DENND1A: variants seen among roughly 807,000 people sequenced by gnomAD.
The protein encoded by DENND1A is DENN domain containing 1A, also known as DENN domain-containing protein 1A.
Under a neutral mutation model 113.7 loss-of-function variants are expected in DENND1A, and 51 were observed. The ratio of observed to expected loss-of-function variants is 0.45; its 90% CI spans 0.36 to 0.57. DENND1A has a LOEUF of 0.57. Ranked by LOEUF, DENND1A falls within the 20% of genes least tolerant of loss-of-function variation. The pLI is 0.00. For synonymous variants in DENND1A, 565 were observed against 570.8 expected (o/e 0.99, Z 0.14); for missense variants, 1,258 against 1,395.9 (o/e 0.90, Z 1.57).
intron 13 of DENND1A, among the ~76,000 whole-genome samples, chr9:123,467,317 C>T (rs894944560): frequency 7.9e-5 from 12 of 152,126 alleles, no homozygotes; most frequent in South Asian, 2.1e-4. Context: ...ATGTTCTGTG[C>T]GTGTCTCCTT....
intron 1 of DENND1A, among the ~76,000 whole-genome samples, chr9:123,915,545 A>G (rs1465361072): frequency 6.6e-6 from 1 of 152,166 alleles, no homozygotes; most frequent in Non-Finnish European, 1.5e-5. Context: ...GTTTAAGTTA[A>G]TAACCATTAT....
intron 13 of DENND1A, among the ~76,000 whole-genome samples, chr9:123,543,152 G>A (rs550748257): frequency 7.2e-5 from 11 of 152,286 alleles, no homozygotes; most frequent in South Asian, 2.1e-4. Context: ...GTCATGGAAC[G>A]GGTAAAAATG....
chr9:123,763,077 ATT>A (rs34020642), intron 4 of DENND1A, among the ~76,000 whole-genome samples: 48 of 144,258 alleles, frequency 3.3e-4, no homozygotes, highest in Admixed American at 3.5e-4. Flanking sequence ...AAGAATTCAG[ATT>A]TTTTTTTTTT....
rs2045418514 is a variant in DENND1A, at chr9:123,422,904, G to A, written c.1489-11075C>T. Among the ~76,000 whole-genome samples the A allele has an allele frequency of 6.6e-6, 1 of 152,208 alleles. No homozygotes were observed. The highest frequency in any genetic ancestry group is 2.4e-5 in the African/African-American group (1 of 41,454). On this transcript the variant is annotated intron_variant, in intron 19 of 23. Transcript: ENST00000394215. The surrounding 1 kb of genome is among the most constrained non-coding windows in gnomAD (Gnocchi z 4.8). ...CCTCGGAGAACAAACAGGAACCCAA[G>A]GTGCCAGCAGTTCGACTGCCTTATT...
In DENND1A at chr9:123,436,514, G is replaced by T. The variant is rs1208251250; in HGVS notation, c.1488+3846C>A. Among the ~76,000 whole-genome samples the T allele has an allele frequency of 2.0e-5, 3 of 152,192 alleles. No homozygotes were observed. In the East Asian group the frequency reaches 5.8e-4, roughly 29 times the overall value. On this transcript the variant is annotated intron_variant, in intron 19 of 23. Transcript: ENST00000394215. ...GTCCCCTGGGCTTTGTTTCCCAAAT[G>T]ATACTAAACTTGAGAAGGGGAAAAC...
intron 10 of DENND1A, among the ~76,000 whole-genome samples, chr9:123,612,085 C>T (rs910156042): frequency 6.6e-6 from 1 of 152,200 alleles, no homozygotes; most frequent in Non-Finnish European, 1.5e-5. Context: ...ATCATAGCAG[C>T]TCCATGTTTT....
intron 5 of DENND1A, among the ~76,000 whole-genome samples, chr9:123,702,154 T>A (rs2065919354): frequency 6.6e-6 from 1 of 151,042 alleles, no homozygotes; most frequent in Non-Finnish European, 1.5e-5. Context: ...CAAAAATAAA[T>A]AAATAAATAA....
At chr9:123,485,466 CTAA>C (rs2050719004) in intron 13 of DENND1A, 1 of 152,180 alleles carries the variant, frequency 6.6e-6, no homozygotes, top group Admixed American at 6.5e-5. Flanking sequence ...CTTGGAGGAG[CTAA>C]TCATTAAGCT....
intron 19 of DENND1A, among the ~76,000 whole-genome samples, chr9:123,438,216 A>G (rs1194026284): frequency 1.3e-5 from 2 of 152,194 alleles, no homozygotes; most frequent in African/African-American, 2.4e-5. Flanking sequence ...GGACCCGGGA[A>G]AAGACTCAAG....
chr9:123,683,832 C>T (rs1033811004), intron 5 of DENND1A, among the ~76,000 whole-genome samples: 2 of 152,148 alleles, frequency 1.3e-5, no homozygotes, highest in Non-Finnish European at 2.9e-5. Flanking sequence ...CCTTGACAGA[C>T]GTAACTCATC....
intron 3 of DENND1A, among the ~76,000 whole-genome samples, chr9:123,781,149 C>G (rs942341745): frequency 2.6e-5 from 4 of 152,180 alleles, no homozygotes; most frequent in African/African-American, 9.7e-5. Flanking sequence ...TCACTTCCAA[C>G]TTGCAGGAAT....
chr9:123,430,080 T>C (rs201907850), intron 19 of DENND1A, among the ~76,000 whole-genome samples: 27 of 151,998 alleles, frequency 1.8e-4, no homozygotes, highest in East Asian at 9.6e-4. Context: ...AATGAACATA[T>C]GAAAAAAAGC....
At chr9:123,806,620 C>A (rs1349689487) in intron 2 of DENND1A, among the ~76,000 whole-genome samples, 1 of 152,190 alleles carries the variant, frequency 6.6e-6, no homozygotes, top group Non-Finnish European at 1.5e-5. Context: ...ATCACATCAG[C>A]ACTCAGGAAG....
intron 1 of DENND1A, among the ~76,000 whole-genome samples, chr9:123,898,563 T>G (rs528308499): frequency 6.6e-6 from 1 of 152,236 alleles, no homozygotes; most frequent in Admixed American, 6.5e-5. Context: ...CCTAGGCTCA[T>G]GCAATCTTCC....
chr9:123,398,406 A>G (rs1588322267), intron 21 of DENND1A, among the ~76,000 whole-genome samples: 1 of 150,666 alleles, frequency 6.6e-6, no homozygotes, highest in East Asian at 2.0e-4. Context: ...ACGGCGTCTC[A>G]CTCTGTCACC....
intron 3 of DENND1A, among the ~76,000 whole-genome samples, chr9:123,773,988 T>C (rs1365743578): frequency 6.6e-6 from 1 of 152,118 alleles, no homozygotes; most frequent in Admixed American, 6.6e-5. Flanking sequence ...CAGTTGATAA[T>C]TTACCTTTGT....
At chr9:123,541,164 T>G (rs1231108539) in intron 13 of DENND1A, among the ~76,000 whole-genome samples, 1 of 152,264 alleles carries the variant, frequency 6.6e-6, no homozygotes, top group Admixed American at 6.5e-5. Flanking sequence ...AATAGTCCCC[T>G]GGTTTAGTAG....
chr9:123,615,842 T>C (rs2137980612), intron 10 of DENND1A, among the ~76,000 whole-genome samples: 1 of 152,358 alleles, frequency 6.6e-6, no homozygotes. Context: ...AGCTATTTAC[T>C]GAGCACACAC....
intron 20 of DENND1A, among the ~76,000 whole-genome samples, chr9:123,407,249 AC>A: frequency 6.6e-6 from 1 of 152,158 alleles, no homozygotes; most frequent in South Asian, 2.1e-4. Flanking sequence ...GCGGTTGGTC[AC>A]CAGCATGGCT....
Sources: allele counts gnomAD v4.1 joint callset (sites outside exome capture counted in the v4.1 genomes callset), GRCh38; gene constraint gnomAD v4.1.1; non-coding constraint Gnocchi (gnomAD v3.1); transcripts MANE v1.5; gene names NCBI Gene and HGNC (gene_info 2026-07-23, HGNC 2026-07-21).